Variants in KCNQ2 observed in about 807,000 individuals in gnomAD.
KCNQ2 encodes potassium voltage-gated channel subfamily KQT member 2.
In KCNQ2, 14 loss-of-function variants were observed where a neutral mutation model predicts 84.8. That is an observed-to-expected ratio of 0.17 (90% CI 0.11 to 0.26). KCNQ2 has a LOEUF of 0.26. KCNQ2 is among the 10% of genes least tolerant of loss of function. The pLI is 1.00. For missense variants in KCNQ2, 788 were observed against 1,254.0 expected (o/e 0.63, Z 5.61); for synonymous variants, 599 against 554.1 (o/e 1.08, Z -1.14).
At chr20:63,440,841 G>T (rs372444317) in intron 5 of KCNQ2, among the ~76,000 whole-genome samples, 213 of 152,168 alleles carry the variant, frequency 1.4e-3, no homozygotes, top group African/African-American at 5.0e-3. Flanking sequence ...CTCTGGGAAG[G>T]AGGCTGCCAC....
intron 1 of KCNQ2, among the ~76,000 whole-genome samples, chr20:63,448,835 G>T (rs967179818): frequency 6.6e-6 from 1 of 151,978 alleles, no homozygotes; most frequent in Non-Finnish European, 1.5e-5. Context: ...TGGGCATCCT[G>T]GGGGGGAGTC....
chr20:63,440,281 T>G (rs970830378), intron 5 of KCNQ2, among the ~76,000 whole-genome samples: 1 of 151,826 alleles, frequency 6.6e-6, no homozygotes, highest in African/African-American at 2.4e-5. Context: ...TCAGGCCAGG[T>G]TGGACCTCCC....
chr20:63,443,472 CCAT>C (rs545559602), intron 4 of KCNQ2, among the ~76,000 whole-genome samples: 2,699 of 79,090 alleles, frequency 0.034, 139 homozygotes, highest in African/African-American at 0.11. Flanking sequence ...ACCATCACCA[CCAT>C]CATCACCACC....
chr20:63,449,885 C>A (rs2081555478), intron 1 of KCNQ2, among the ~76,000 whole-genome samples: 1 of 152,110 alleles, frequency 6.6e-6, no homozygotes, highest in South Asian at 2.1e-4. Flanking sequence ...CAGGACCAGC[C>A]CACTGGGTGG....
chr20:63,441,551 G>A (rs532895249), intron 5 of KCNQ2, among the ~76,000 whole-genome samples: 3 of 152,118 alleles, frequency 2.0e-5, no homozygotes, highest in African/African-American at 7.2e-5. Context: ...AAAAGACCTG[G>A]GGGATGGGCT....
chr20:63,443,379 TCATCACCACCAC>T (rs1568937572), intron 4 of KCNQ2, among the ~76,000 whole-genome samples: 66 of 17,222 alleles, frequency 3.8e-3, no homozygotes, highest in Non-Finnish European at 1.7e-3. Context: ...ATCACCACCA[TCATCACCACCAC>T]CATCACCATC....
intron 1 of KCNQ2, chr20:63,448,033 G>A (rs968834198): frequency 2.0e-5 from 3 of 152,258 alleles, no homozygotes; most frequent in African/African-American, 7.2e-5. Context: ...GCGGGAACCC[G>A]GCTTGTGGCT....
chr20:63,442,845 T>TCAC (rs1555872502), intron 4 of KCNQ2, among the ~76,000 whole-genome samples: 2 of 25,774 alleles, frequency 7.8e-5, no homozygotes, highest in African/African-American at 1.9e-4. Flanking sequence ...ACCACCACCA[T>TCAC]CACCATCACC....
intron 5 of KCNQ2, among the ~76,000 whole-genome samples, chr20:63,441,587 C>G (rs559391187): frequency 9.9e-5 from 15 of 152,160 alleles, no homozygotes; most frequent in Non-Finnish European, 1.8e-4. Context: ...TCCTAGGGCC[C>G]AGCAGTCACA....
chr20:63,444,248 C>T (rs896260975), intron 4 of KCNQ2, among the ~76,000 whole-genome samples: 3 of 152,194 alleles, frequency 2.0e-5, no homozygotes, highest in Non-Finnish European at 2.9e-5. Context: ...CTGGGTCCCC[C>T]GGACAGCGGC....
intron 4 of KCNQ2, among the ~76,000 whole-genome samples, chr20:63,442,758 T>C (rs866966794): frequency 1.2e-3 from 41 of 34,786 alleles, no homozygotes; most frequent in Non-Finnish European, 1.7e-3. Flanking sequence ...ACCATCACCA[T>C]CACCACCATC....
intron 1 of KCNQ2, among the ~76,000 whole-genome samples, chr20:63,455,032 T>A (rs772084780): frequency 2.0e-5 from 3 of 152,006 alleles, no homozygotes; most frequent in Non-Finnish European, 4.4e-5. Flanking sequence ...GCCCGCCCCC[T>A]CCTGCCCAGG....
chr20:63,414,196 G>A lies in KCNQ2; in HGVS notation c.1526-3C>T, dbSNP rs568408012. On this transcript the variant is annotated splice_polypyrimidine_tract_variant and splice_region_variant and intron_variant, in intron 13 of 16. Coordinates refer to ENST00000359125, the MANE Select transcript of KCNQ2 (RefSeq NM_172107.4). This position sits in a 1 kb window ranked among gnomAD's most constrained non-coding sequence, Gnocchi z 6.6. ...GTCCTCTCCGGGGAGGCTTGCTTCT[G>A]GGGGGAAGGAGACAGGCCGTGAGGG... 2.5e-6 allele frequency: 4 copies of A among 1,610,642 alleles called. No homozygotes were observed. Among genetic ancestry groups the A allele is most frequent in the African/African-American group, 2.7e-5 (2 of 74,990 alleles).
chr20:63,443,923 C>T (rs2081339603), intron 4 of KCNQ2, among the ~76,000 whole-genome samples: 2 of 152,190 alleles, frequency 1.3e-5, no homozygotes, highest in Non-Finnish European at 2.9e-5. Context: ...AATCTTGGGA[C>T]TGTTGAGACC....
intron 8 of KCNQ2, 52 bp from the exon 9 acceptor site, chr20:63,431,421 A>C (rs111270421): frequency 3.2e-5 from 51 of 1,587,482 alleles, no homozygotes; most frequent in Non-Finnish European, 4.3e-5. Context: ...AATTTCAAAA[A>C]GAACGGGATA....
At chr20:63,432,691 GCCCCACC>G (rs1419115080) in intron 8 of KCNQ2, among the ~76,000 whole-genome samples, 244 of 125,048 alleles carry the variant, frequency 2.0e-3, no homozygotes, top group African/African-American at 6.3e-3. Flanking sequence ...CTCAGGGAAG[GCCCCACC>G]CTCTGGGAAG....
chr20:63,442,830 TCACCACCAC>T (rs747940691), intron 4 of KCNQ2, among the ~76,000 whole-genome samples: 1 of 20,478 alleles, frequency 4.9e-5, no homozygotes, highest in Non-Finnish European at 9.0e-5. Flanking sequence ...ACCATCACCA[TCACCACCAC>T]CACCATCACC....
intron 10 of KCNQ2, among the ~76,000 whole-genome samples, chr20:63,427,520 G>A (rs1329067708): frequency 2.6e-5 from 4 of 152,276 alleles, no homozygotes; most frequent in African/African-American, 9.6e-5. Context: ...AGACGCCAGA[G>A]TCCAAAATCA....
In KCNQ2 at chr20:63,424,038, G is replaced by C. The variant is rs747849667; in HGVS notation, c.1247+139C>G. ...CCACATCACCGCCAGGCGGGGGTCT[G>C]GACCCGCAGTCACACAGTCACACAC... On this transcript the variant is annotated intron_variant, in intron 11 of 16. Coordinates refer to ENST00000359125, the MANE Select transcript of KCNQ2 (RefSeq NM_172107.4). 4 of 922,126 alleles carry C rather than the reference G, an allele frequency of 4.3e-6. No homozygotes were observed. The African/African-American group carries it at 6.6e-5, about 15-fold the overall frequency. The allele number at this position is 922,126 out of a possible 1,614,324, so 57.1% of individuals were successfully genotyped here. A position where few individuals can be genotyped will look rare whatever the true frequency, so the allele number is the denominator to read the frequency against.
Sources: gnomAD v4.1 joint callset for allele counts (sites outside exome capture counted in the v4.1 genomes callset) on GRCh38, gnomAD v4.1.1 for gene constraint, Gnocchi (gnomAD v3.1) non-coding constraint, MANE v1.5 for transcripts, NCBI Gene and HGNC (gene_info 2026-07-23, HGNC 2026-07-21) for gene names.